CPNE4: variants seen among roughly 807,000 people sequenced by gnomAD.
CPNE4 encodes copine 4.
A neutral mutation model predicts 67.9 loss-of-function variants in CPNE4; 25 were observed. The ratio of observed to expected loss-of-function variants is 0.37; its 90% CI spans 0.27 to 0.51. The LOEUF is 0.51. Among genes scored for constraint, CPNE4 ranks in the 20% least tolerant of loss-of-function variants. CPNE4 has a pLI of 0.93. For synonymous variants in CPNE4, 242 were observed against 244.9 expected (o/e 0.99, Z 0.11); for missense variants, 464 against 690.8 (o/e 0.67, Z 3.68).
chr3:131,970,273 T>C lies in CPNE4; in HGVS notation c.-2+64294A>G, dbSNP rs2072466537. Among the ~76,000 whole-genome samples the C allele has an allele frequency of 2.6e-5, 4 of 152,196 alleles. No individual in the cohort carries two copies. The South Asian group carries it at 8.3e-4, about 32-fold the overall frequency. On this transcript the variant is annotated intron_variant, in intron 1 of 15. Transcript: ENST00000429747. ...GAAGACACACCAACCCCCACACAGA[T>C]ACCAACCTAACTTTGACCTGTAGCC...
intron 7 of CPNE4, among the ~76,000 whole-genome samples, chr3:131,617,257 A>T (rs979978415): frequency 2.6e-5 from 4 of 152,182 alleles, no homozygotes; most frequent in African/African-American, 9.7e-5. Flanking sequence ...CACACAATTT[A>T]TTCATGGTAG....
chr3:131,976,847 G>A (rs1053521317), intron 1 of CPNE4, among the ~76,000 whole-genome samples: 3 of 151,672 alleles, frequency 2.0e-5, no homozygotes, highest in Non-Finnish European at 2.9e-5. Context: ...TGTCACCCAG[G>A]CTGGAGTGGA....
intron 1 of CPNE4, among the ~76,000 whole-genome samples, chr3:131,987,052 G>A (rs1352326795): frequency 6.6e-6 from 1 of 152,152 alleles, no homozygotes; most frequent in Non-Finnish European, 1.5e-5. Context: ...AGCCAGCAGT[G>A]AGAATGAATG....
intron 3 of CPNE4, 97 bp from the exon 4 acceptor site, chr3:131,700,077 T>TTTTTTTTTTTTTTTTTAA (rs2081258949): frequency 1.8e-6 from 1 of 552,478 alleles, no homozygotes; most frequent in Non-Finnish European, 2.9e-6. Flanking sequence ...TTTTTTTTTT[T>TTTTTTTTTTTTTTTTTAA]ACAAAACTCT....
intron 2 of CPNE4, among the ~76,000 whole-genome samples, chr3:131,793,841 T>C (rs2083849140): frequency 6.6e-6 from 1 of 152,180 alleles, no homozygotes; most frequent in African/African-American, 2.4e-5. Flanking sequence ...ATTAGAGTCC[T>C]CATGTCAGGA....
intron 1 of CPNE4, among the ~76,000 whole-genome samples, chr3:131,948,042 GTCT>G (rs201487951): frequency 7.1e-6 from 1 of 141,796 alleles, no homozygotes; most frequent in South Asian, 2.3e-4. Context: ...TATTTTTTAG[GTCT>G]TCTTTAATTT....
intron 1 of CPNE4, among the ~76,000 whole-genome samples, chr3:131,998,831 G>A (rs562132785): frequency 6.6e-6 from 1 of 152,186 alleles, no homozygotes; most frequent in Non-Finnish European, 1.5e-5. Flanking sequence ...TTTCACCACA[G>A]AATAGTCTAG....
At chr3:131,610,736 ATTT>A (rs1330608107) in intron 7 of CPNE4, among the ~76,000 whole-genome samples, 1 of 152,052 alleles carries the variant, frequency 6.6e-6, no homozygotes, top group East Asian at 1.9e-4. Context: ...ATGAATCCTT[ATTT>A]CAGGGTTGCT....
At chr3:131,984,758 T>G (rs1014298605) in intron 1 of CPNE4, among the ~76,000 whole-genome samples, 2 of 152,218 alleles carry the variant, frequency 1.3e-5, no homozygotes, top group African/African-American at 4.8e-5. Flanking sequence ...TGATGACTGA[T>G]AGGAGTTGGT....
chr3:131,627,805 G>A (rs1483059750), intron 7 of CPNE4, among the ~76,000 whole-genome samples: 1 of 152,182 alleles, frequency 6.6e-6, no homozygotes, highest in African/African-American at 2.4e-5. Flanking sequence ...AGTAGAACCT[G>A]AAGATGTGAT....
intron 11 of CPNE4, among the ~76,000 whole-genome samples, chr3:131,556,363 A>C (rs1936455915): frequency 6.6e-6 from 1 of 152,032 alleles, no homozygotes; most frequent in South Asian, 2.1e-4. Context: ...GTAATAGACC[A>C]AGACTCTATC....
In CPNE4 at chr3:131,737,115, C is replaced by CTTT. The variant is rs71788145; in HGVS notation, c.181-13493_181-13491dup. Among the ~76,000 whole-genome samples, 26 of 49,398 alleles carry CTTT rather than the reference C, an allele frequency of 5.3e-4. 2 individuals carry two copies. Among genetic ancestry groups the CTTT allele is most frequent in the South Asian group, 1.2e-3 (1 of 844 alleles). 32.4% of individuals were successfully genotyped at this position (49,398 alleles called of 152,430 possible). A position where few individuals can be genotyped will look rare whatever the true frequency, so the allele number is the denominator to read the frequency against. ...TGCCTCTTTTTATGAAGTATTGTGTCTTTTTTTTTTTTTTTTTTTTTTTTT... is the reference window on the plus strand; with the variant it reads ...TGCCTCTTTTTATGAAGTATTGTGTCTTTTTTTTTTTTTTTTTTTTTTTTTTTT... On this transcript the variant is annotated intron_variant, in intron 2 of 15. Coordinates refer to ENST00000429747, the MANE Select transcript of CPNE4 (RefSeq NM_130808.3).
At chr3:131,987,607 C>T (rs1358230277) in intron 1 of CPNE4, among the ~76,000 whole-genome samples, 3 of 151,968 alleles carry the variant, frequency 2.0e-5, no homozygotes, top group African/African-American at 2.4e-5. Flanking sequence ...AGGCTGGTCT[C>T]GAACTCCTGA....
At chr3:131,873,005 G>A (rs2087284645) in intron 2 of CPNE4, among the ~76,000 whole-genome samples, 1 of 152,138 alleles carries the variant, frequency 6.6e-6, no homozygotes, top group Admixed American at 6.5e-5. Context: ...CTTGCTTCAG[G>A]CCGCTAAGGT....
chr3:131,957,316 AG>A (rs908551772), intron 1 of CPNE4, among the ~76,000 whole-genome samples: 2 of 152,238 alleles, frequency 1.3e-5, no homozygotes, highest in African/African-American at 4.8e-5. Flanking sequence ...AATTGAGCCA[AG>A]GGGATTTTGA....
At chr3:131,603,420 A>C (rs115200846) in intron 7 of CPNE4, among the ~76,000 whole-genome samples, 1,819 of 152,318 alleles carry the variant, frequency 0.012, 19 homozygotes, top group Non-Finnish European at 0.02. Context: ...TGAATGAGTG[A>C]GTGAACAAAA....
chr3:131,888,843 C>A (rs990819334), intron 2 of CPNE4, among the ~76,000 whole-genome samples: 1 of 152,170 alleles, frequency 6.6e-6, no homozygotes, highest in Non-Finnish European at 1.5e-5. Flanking sequence ...TAGTAAGAAA[C>A]TTGGCAGACA....
chr3:131,573,925 A>G (rs1937461456), intron 10 of CPNE4, among the ~76,000 whole-genome samples: 1 of 152,080 alleles, frequency 6.6e-6, no homozygotes, highest in Non-Finnish European at 1.5e-5. Context: ...CAATACCCCA[A>G]GTTTAGGAAG....
intron 2 of CPNE4, among the ~76,000 whole-genome samples, chr3:131,807,810 G>GA (rs1248625231): frequency 6.6e-6 from 1 of 152,044 alleles, no homozygotes; most frequent in Non-Finnish European, 1.5e-5. Flanking sequence ...AGAAATAGTA[G>GA]AAAATGTTCA....
Sources: gnomAD v4.1 joint callset for allele counts (sites outside exome capture counted in the v4.1 genomes callset) on GRCh38, gnomAD v4.1.1 for gene constraint, MANE v1.5 for transcripts, NCBI Gene and HGNC (gene_info 2026-07-23, HGNC 2026-07-21) for gene names.